KCNH8: variants seen among roughly 807,000 people sequenced by gnomAD.
KCNH8 encodes the protein voltage-gated delayed rectifier potassium channel KCNH8.
KCNH8 carries 70 observed loss-of-function variants against 103.6 expected under a neutral mutation model. That is an observed-to-expected ratio of 0.68 (90% confidence interval 0.56 to 0.82). The LOEUF is 0.82. Among genes scored for constraint, KCNH8 ranks in the 40% least tolerant of loss-of-function variants. The pLI is 0.00. For synonymous variants in KCNH8, 498 were observed against 489.4 expected (o/e 1.02, Z -0.23); for missense variants, 1,217 against 1,329.9 (o/e 0.92, Z 1.32).
intron 2 of KCNH8, 63 bp from the exon 3 acceptor site, chr3:19,281,135 G>A: frequency 6.5e-7 from 1 of 1,529,616 alleles, no homozygotes; most frequent in Non-Finnish European, 8.9e-7. Context: ...TGATGATTGA[G>A]ATTTCCATAG....
rs115879045 is a variant in KCNH8 at position 19,437,809 on chromosome 3, T to C, written c.1178-355T>C. Reference sequence around the variant, plus strand: ...TACTCAATTTCTTTGTTTCTTCTTATAATTCCAAATGAGATGAGCTTAACA... The same window carrying C: ...TACTCAATTTCTTTGTTTCTTCTTACAATTCCAAATGAGATGAGCTTAACA... On this transcript the variant is annotated intron_variant, in intron 7 of 15. Coordinates refer to ENST00000328405, the MANE Select transcript of KCNH8 (RefSeq NM_144633.3). Among the ~76,000 whole-genome samples the C allele has an allele frequency of 8.6e-3, 1,315 of 152,332 alleles. 18 individuals carry two copies. Among genetic ancestry groups the C allele is most frequent in the African/African-American group, 0.03 (1,236 of 41,568 alleles).
At chr3:19,483,532 A>C (rs1479763753) in intron 11 of KCNH8, among the ~76,000 whole-genome samples, 2 of 152,096 alleles carry the variant, frequency 1.3e-5, no homozygotes, top group Admixed American at 6.6e-5. Context: ...CATGCTTCCT[A>C]TGGCTGTTGA....
chr3:19,522,820 T>G (rs527744938), intron 15 of KCNH8, among the ~76,000 whole-genome samples: 1 of 151,760 alleles, frequency 6.6e-6, no homozygotes, highest in Non-Finnish European at 1.5e-5. Context: ...GGATCTAAAA[T>G]TTTTTTTAAA....
At chr3:19,186,403 A>C (rs2063503288) in intron 1 of KCNH8, among the ~76,000 whole-genome samples, 1 of 151,916 alleles carries the variant, frequency 6.6e-6, no homozygotes, top group South Asian at 2.1e-4. Flanking sequence ...CCAAAAGAAA[A>C]CCTTGTTGAA....
intron 3 of KCNH8, among the ~76,000 whole-genome samples, chr3:19,316,711 A>G (rs1435463023): frequency 6.6e-6 from 1 of 151,962 alleles, no homozygotes; most frequent in Non-Finnish European, 1.5e-5. Flanking sequence ...CAGAGCAGCA[A>G]TGGTGGAGTT....
In KCNH8 at chr3:19,281,342, T is replaced by C; in HGVS notation, c.442+13T>C. ...GATAAAAAAGAAGGTTTGTACCGTT[T>C]TCAGAAAACATTGACAGATGGAGTA... On this transcript the variant is annotated intron_variant, in intron 3 of 15. Transcript: ENST00000328405. The C allele has an allele frequency of 1.3e-6, 2 of 1,577,336 alleles. No homozygotes were observed. The highest frequency in any genetic ancestry group is 2.4e-5 in the South Asian group (2 of 84,406).
chr3:19,292,109 C>G (rs574293931), intron 3 of KCNH8, among the ~76,000 whole-genome samples: 23 of 152,218 alleles, frequency 1.5e-4, no homozygotes, highest in East Asian at 1.4e-3. Context: ...TATAATAATA[C>G]ATGCCTTGTT....
chr3:19,219,808 C>A (rs530745707), intron 1 of KCNH8, among the ~76,000 whole-genome samples: 1 of 152,062 alleles, frequency 6.6e-6, no homozygotes, highest in African/African-American at 2.4e-5. Flanking sequence ...ACTTAGCATG[C>A]GGAGAAGCAA....
At chr3:19,500,265 A>G in intron 11 of KCNH8, among the ~76,000 whole-genome samples, 1 of 152,166 alleles carries the variant, frequency 6.6e-6, no homozygotes, top group Non-Finnish European at 1.5e-5. Context: ...ACCCAATACA[A>G]GAGCACCCAG....
chr3:19,157,978 G>A (rs891289688), intron 1 of KCNH8, among the ~76,000 whole-genome samples: 3 of 151,514 alleles, frequency 2.0e-5, no homozygotes, highest in South Asian at 2.1e-4. Context: ...GTCATACTTA[G>A]AGAGGCATTC....
chr3:19,522,232 A>C (rs1475326991), intron 15 of KCNH8, among the ~76,000 whole-genome samples: 2 of 151,924 alleles, frequency 1.3e-5, no homozygotes, highest in Non-Finnish European at 2.9e-5. Flanking sequence ...TGAGGCTGAG[A>C]GGTCTCATGA....
At chr3:19,360,929 A>C in intron 5 of KCNH8, among the ~76,000 whole-genome samples, 1 of 152,108 alleles carries the variant, frequency 6.6e-6, no homozygotes. Context: ...AAGAACTAGT[A>C]TTATGATGAG....
At chr3:19,478,931 G>A (rs533181605) in intron 11 of KCNH8, among the ~76,000 whole-genome samples, 5 of 152,178 alleles carry the variant, frequency 3.3e-5, no homozygotes, top group Non-Finnish European at 5.9e-5. Flanking sequence ...TTATGTTAGC[G>A]GAGAACTGCT....
At chr3:19,392,946 G>A (rs2066460788) in intron 6 of KCNH8, among the ~76,000 whole-genome samples, 1 of 151,962 alleles carries the variant, frequency 6.6e-6, no homozygotes, top group South Asian at 2.1e-4. Flanking sequence ...TGACCAGACT[G>A]AAAATGCAAC....
chr3:19,206,168 G>GTATATA (rs750765830), intron 1 of KCNH8, among the ~76,000 whole-genome samples: 2,785 of 138,970 alleles, frequency 0.02, 122 homozygotes, highest in African/African-American at 0.075. Context: ...TGGTGTGTGT[G>GTATATA]TATATATATA....
chr3:19,380,678 C>T (rs550852413), intron 5 of KCNH8, among the ~76,000 whole-genome samples: 2 of 152,202 alleles, frequency 1.3e-5, no homozygotes, highest in Non-Finnish European at 2.9e-5. Context: ...TCCCAACTTG[C>T]CTTTTGGTTT....
At chr3:19,411,474 C>G (rs1166043972) in intron 7 of KCNH8, among the ~76,000 whole-genome samples, 1 of 152,002 alleles carries the variant, frequency 6.6e-6, no homozygotes, top group Non-Finnish European at 1.5e-5. Flanking sequence ...GATAGCTATT[C>G]TCCCACCTTC....
rs1158189359 is a variant in KCNH8, at chr3:19,535,011, T to C, written c.*912T>C. 2 of 152,198 alleles carry C rather than the reference T, an allele frequency of 1.3e-5. No individual in the cohort carries two copies. The highest frequency in any genetic ancestry group is 2.9e-5 in the Non-Finnish European group (2 of 68,032). 9.4% of individuals were successfully genotyped at this position (152,198 alleles called of 1,614,324 possible). On this transcript the variant is annotated 3_prime_UTR_variant, in exon 16 of 16. Transcript: ENST00000328405. ...AGCTTTGGCATGGGGATAGAGAGGC[T>C]CCATCTAGGCTCTGCCAACTCATGT...
intron 3 of KCNH8, among the ~76,000 whole-genome samples, chr3:19,292,028 C>G (rs952042751): frequency 6.6e-6 from 1 of 152,184 alleles, no homozygotes; most frequent in African/African-American, 2.4e-5. Flanking sequence ...GCATTTGTGT[C>G]AATTTTCCAA....
Sources: gnomAD v4.1 joint callset for allele counts (sites outside exome capture counted in the v4.1 genomes callset) on GRCh38, gnomAD v4.1.1 for gene constraint, MANE v1.5 for transcripts, NCBI Gene and HGNC (gene_info 2026-07-23, HGNC 2026-07-21) for gene names.